Variants in PDHX observed in about 807,000 individuals in gnomAD.
The protein encoded by PDHX is pyruvate dehydrogenase complex component X.
Under a neutral mutation model 55.3 loss-of-function variants are expected in PDHX, and 33 were observed. That is an observed-to-expected ratio of 0.60 (90% CI 0.45 to 0.80). The LOEUF (loss-of-function observed/expected upper bound fraction) is 0.80. PDHX is among the 30% of genes least tolerant of loss of function. The pLI is 0.00. For synonymous variants in PDHX, 226 were observed against 219.4 expected (o/e 1.03, Z -0.27); for missense variants, 622 against 619.9 (o/e 1.00, Z -0.04).
At chr11:34,965,635 C>T (rs1855114623) in intron 5 of PDHX, among the ~76,000 whole-genome samples, 2 of 152,110 alleles carry the variant, frequency 1.3e-5, no homozygotes, top group Non-Finnish European at 2.9e-5. Flanking sequence ...GGGGCATGTA[C>T]ACCAGGGGCA....
chr11:34,965,364 T>C (rs1011230329), intron 5 of PDHX, among the ~76,000 whole-genome samples: 1 of 152,200 alleles, frequency 6.6e-6, no homozygotes, highest in South Asian at 2.1e-4. Context: ...GTTCACAACA[T>C]GCATGTTTGC....
chr11:34,969,370 A>G (rs1372631256), intron 6 of PDHX, among the ~76,000 whole-genome samples: 3 of 149,320 alleles, frequency 2.0e-5, no homozygotes, highest in Non-Finnish European at 4.4e-5. Context: ...TCCCGAAACA[A>G]TCTTGCTCTG....
intron 10 of PDHX, 113 bp from the exon 11 acceptor site, chr11:34,994,800 AT>A (rs1329892216): frequency 3.6e-6 from 4 of 1,103,112 alleles, no homozygotes; most frequent in African/African-American, 1.6e-5. Context: ...TTACTCATAT[AT>A]TTTTTTCTTG....
chr11:34,934,758 T>A (rs1319586324), intron 2 of PDHX, among the ~76,000 whole-genome samples: 1 of 151,720 alleles, frequency 6.6e-6, no homozygotes, highest in Non-Finnish European at 1.5e-5. Context: ...TTTTGTATTT[T>A]TTTAGAGACA....
At chr11:34,922,134 A>C (rs967226810) in intron 1 of PDHX, among the ~76,000 whole-genome samples, 2 of 152,198 alleles carry the variant, frequency 1.3e-5, no homozygotes, top group African/African-American at 4.8e-5. Context: ...TATTGTATTG[A>C]CCAGAATTGG....
intron 2 of PDHX, among the ~76,000 whole-genome samples, chr11:34,935,032 T>C (rs1854276363): frequency 6.6e-6 from 1 of 151,820 alleles, no homozygotes; most frequent in African/African-American, 2.4e-5. Flanking sequence ...CTGGTTGAGG[T>C]TGAGAGGGTA....
chr11:34,948,721 TGAATCAAA>T (rs1485973603), intron 3 of PDHX, among the ~76,000 whole-genome samples: 1 of 152,100 alleles, frequency 6.6e-6, no homozygotes, highest in African/African-American at 2.4e-5. Flanking sequence ...TGTAGGAATA[TGAATCAAA>T]GCCTAAAATT....
chr11:34,994,108 C>T (rs1021410432), intron 10 of PDHX, among the ~76,000 whole-genome samples: 2 of 152,096 alleles, frequency 1.3e-5, no homozygotes, highest in Non-Finnish European at 2.9e-5. Flanking sequence ...GCAGTTTCAT[C>T]ATGCAAACAT....
intron 1 of PDHX, among the ~76,000 whole-genome samples, chr11:34,918,078 G>C (rs1244558502): frequency 6.6e-6 from 1 of 152,136 alleles, no homozygotes. Flanking sequence ...TGTTTATCAA[G>C]CAGATCCTTT....
intron 6 of PDHX, among the ~76,000 whole-genome samples, chr11:34,967,356 A>G (rs1277513279): frequency 6.6e-6 from 1 of 152,242 alleles, no homozygotes; most frequent in Non-Finnish European, 1.5e-5. Flanking sequence ...CCAAATAAAC[A>G]TTAGAACTAT....
intron 10 of PDHX, among the ~76,000 whole-genome samples, chr11:34,992,806 A>G (rs1564935978): frequency 6.6e-6 from 1 of 152,300 alleles, no homozygotes; most frequent in African/African-American, 2.4e-5. Context: ...ATTACAAATT[A>G]TGGTGCTATG....
intron 3 of PDHX, among the ~76,000 whole-genome samples, chr11:34,955,137 G>A (rs1854877147): frequency 6.6e-6 from 1 of 152,166 alleles, no homozygotes; most frequent in South Asian, 2.1e-4. Flanking sequence ...TCTGGCATTT[G>A]AGGTGTCCTT....
chr11:34,949,178 C>T (rs183109266), intron 3 of PDHX, among the ~76,000 whole-genome samples: 4 of 152,278 alleles, frequency 2.6e-5, no homozygotes, highest in Non-Finnish European at 5.9e-5. Context: ...TTGGGAGTCT[C>T]TTCACAACAA....
intron 9 of PDHX, 88 bp downstream of exon 9, chr11:34,984,816 C>T: frequency 1.6e-6 from 2 of 1,263,398 alleles, no homozygotes; most frequent in South Asian, 2.4e-5. Flanking sequence ...GTAATCTAGT[C>T]AGACTGTGAT....
At chr11:34,988,561 A>AAG (rs994790057) in intron 9 of PDHX, among the ~76,000 whole-genome samples, 3 of 146,866 alleles carry the variant, frequency 2.0e-5, no homozygotes, top group African/African-American at 7.8e-5. Context: ...TTTCTGTCAA[A>AAG]AAAAAAAAAA....
At chr11:34,957,277 G>T (rs1470735864) in intron 3 of PDHX, 107 bp from the exon 4 acceptor site, 2 of 824,120 alleles carry the variant, frequency 2.4e-6, no homozygotes, top group Non-Finnish European at 4.1e-6. Flanking sequence ...GCAGCTTTTA[G>T]CTCAAATTAA....
chr11:34,980,488 GTCT>G (rs1236687363), intron 8 of PDHX, among the ~76,000 whole-genome samples: 1 of 150,882 alleles, frequency 6.6e-6, no homozygotes, highest in South Asian at 2.1e-4. Flanking sequence ...TGTCCCATAA[GTCT>G]TCTTTACATT....
Position 34,983,428 on chromosome 11 carries a change from A to G in PDHX, c.1024-1142A>G, listed in dbSNP as rs149650448. Among the ~76,000 whole-genome samples the G allele has an allele frequency of 5.1e-3, 781 of 152,346 alleles. 9 individuals are homozygous for G. Among genetic ancestry groups the G allele is most frequent in the African/African-American group, 0.018 (744 of 41,568 alleles). ...AGTGTTGGAAGTTCTGGCGAGGGCA[A>G]TCAGGCAGGAGAAAGAAATAAAGGG... On this transcript the variant is annotated intron_variant, in intron 8 of 10. Coordinates refer to ENST00000227868, the MANE Select transcript of PDHX (RefSeq NM_003477.3).
intron 8 of PDHX, among the ~76,000 whole-genome samples, chr11:34,980,288 A>T: frequency 7.7e-6 from 1 of 129,962 alleles, no homozygotes; most frequent in African/African-American, 2.8e-5. Context: ...CCTTAGATTC[A>T]TTTTGGTCAG....
Sources: gnomAD v4.1 joint callset for allele counts (sites outside exome capture counted in the v4.1 genomes callset) on GRCh38, gnomAD v4.1.1 for gene constraint, MANE v1.5 for transcripts, NCBI Gene and HGNC (gene_info 2026-07-23, HGNC 2026-07-21) for gene names.